AIG1: variants seen among roughly 807,000 people sequenced by gnomAD.
AIG1 encodes androgen-induced gene 1 protein.
A neutral mutation model predicts 31.4 loss-of-function variants in AIG1; 23 were observed. That is an observed-to-expected ratio of 0.73 (90% CI 0.53 to 1.04). The LOEUF is 1.04. Ranked by LOEUF, AIG1 falls within the 50% of genes least tolerant of loss-of-function variation. The pLI, the probability that AIG1 is intolerant of heterozygous loss-of-function variation, is 0.00. For synonymous variants in AIG1, 100 were observed against 110.5 expected, an observed-to-expected ratio of 0.90 and a Z score of 0.60; for missense variants, 274 against 295.0, an observed-to-expected ratio of 0.93 and a Z score of 0.52.
intron 1 of AIG1, among the ~76,000 whole-genome samples, chr6:143,093,165 G>T (rs1047586926): frequency 6.6e-6 from 1 of 152,192 alleles, no homozygotes; most frequent in African/African-American, 2.4e-5. Flanking sequence ...CTAATAGAAG[G>T]TTGTTTTGTC....
At chr6:143,118,993 G>A (rs557220643) in intron 1 of AIG1, among the ~76,000 whole-genome samples, 1 of 151,800 alleles carries the variant, frequency 6.6e-6, no homozygotes, top group Admixed American at 6.6e-5. Context: ...CCTGCTTCAG[G>A]CTCCTGAGTA....
At chr6:143,120,889 A>C (rs994319043) in intron 1 of AIG1, among the ~76,000 whole-genome samples, 29 of 152,214 alleles carry the variant, frequency 1.9e-4, no homozygotes, top group African/African-American at 6.5e-4. Flanking sequence ...TTGTGGGTTT[A>C]CTGGAATGAG....
At chr6:143,160,582 G>GCCATTGCT (rs1583368908) in intron 2 of AIG1, among the ~76,000 whole-genome samples, 2 of 152,302 alleles carry the variant, frequency 1.3e-5, no homozygotes, top group East Asian at 3.9e-4. Context: ...GGAATAGCTG[G>GCCATTGCT]CCATTGCTCC....
chr6:143,236,562 C>T (rs4896628), intron 3 of AIG1, among the ~76,000 whole-genome samples: 81,218 of 152,098 alleles, frequency 0.53, 23,105 homozygotes, highest in East Asian at 0.93. Context: ...CTGCCCCCTT[C>T]TGAGCGAGTC....
intron 2 of AIG1, among the ~76,000 whole-genome samples, chr6:143,153,053 A>T (rs966189099): frequency 5.9e-5 from 9 of 152,056 alleles, no homozygotes; most frequent in African/African-American, 2.2e-4. Flanking sequence ...AACCTCAGAG[A>T]CCCCATCTGC....
Position 143,331,770 on chromosome 6 carries a change from C to T in AIG1, c.516-1512C>T, listed in dbSNP as rs1349033464. Among the ~76,000 whole-genome samples, 1 of 151,622 alleles carries T rather than the reference C, an allele frequency of 6.6e-6. No homozygotes were observed. Among genetic ancestry groups the T allele is most frequent in the African/African-American group, 2.4e-5 (1 of 41,260 alleles). The stretch of plus-strand genomic sequence containing the variant: ...CCTGCAAGAAGAGGGGGGATCTCAC[C>T]CTCATTGATAACGCAGGTTCTCAGG... On this transcript the variant is annotated intron_variant, in intron 4 of 5. Coordinates refer to ENST00000357847, the MANE Select transcript of AIG1 (RefSeq NM_016108.4). This position sits in a 1 kb window ranked among gnomAD's most constrained non-coding sequence, Gnocchi z 4.1.
At chr6:143,290,854 G>T (rs1389274237) in intron 4 of AIG1, among the ~76,000 whole-genome samples, 1 of 152,036 alleles carries the variant, frequency 6.6e-6, no homozygotes, top group Admixed American at 6.5e-5. Flanking sequence ...CCTTTCTTGG[G>T]GCTTACAAGA....
In AIG1 at chr6:143,283,888, A is replaced by G. The variant is rs565216427; in HGVS notation, c.400-222A>G. Reference sequence around the variant, plus strand: ...AAATTCTCTGTAATGGGCATAAAATACAATAAAATTTCAAAAATTAAGATA... The same window carrying G: ...AAATTCTCTGTAATGGGCATAAAATGCAATAAAATTTCAAAAATTAAGATA... On this transcript the variant is annotated intron_variant, in intron 3 of 5. Transcript: ENST00000357847. Among the ~76,000 whole-genome samples the G allele has an allele frequency of 2.6e-5, 4 of 152,364 alleles. No homozygotes were observed. In the East Asian group the frequency reaches 7.7e-4, roughly 29 times the overall value.
chr6:143,129,968 G>T (rs1360842398), intron 1 of AIG1, among the ~76,000 whole-genome samples: 1 of 146,372 alleles, frequency 6.8e-6, no homozygotes, highest in Non-Finnish European at 1.5e-5. Flanking sequence ...GTCTCCCTTG[G>T]TCACCAGGCT....
intron 3 of AIG1, among the ~76,000 whole-genome samples, chr6:143,173,227 T>C (rs1479482277): frequency 6.6e-6 from 1 of 152,084 alleles, no homozygotes; most frequent in Non-Finnish European, 1.5e-5. Context: ...GTCTAATTTG[T>C]GTATTGTGTA....
At chr6:143,143,528 A>AAAAAATAT (rs1554249782) in intron 2 of AIG1, among the ~76,000 whole-genome samples, 2 of 27,784 alleles carry the variant, frequency 7.2e-5, no homozygotes, top group African/African-American at 1.9e-4. Flanking sequence ...AAAAAAAAAA[A>AAAAAATAT]ATATATATAT....
chr6:143,269,134 T>C (rs867983603), intron 3 of AIG1, among the ~76,000 whole-genome samples: 21 of 152,242 alleles, frequency 1.4e-4, no homozygotes, highest in Non-Finnish European at 2.1e-4. Context: ...GTGTTGGTCC[T>C]AGAACACTTC....
chr6:143,187,574 A>G (rs1789380110), intron 3 of AIG1: 14 of 1,536,118 alleles, frequency 9.1e-6, no homozygotes, highest in Non-Finnish European at 1.2e-5. Flanking sequence ...ATGAAAAGCA[A>G]CCTTCTGCAG....
chr6:143,138,754 G>A (rs1427376546), intron 2 of AIG1, among the ~76,000 whole-genome samples: 2 of 151,882 alleles, frequency 1.3e-5, no homozygotes, highest in Non-Finnish European at 2.9e-5. Context: ...TGAGCCGGGC[G>A]TGGTGGTGGG....
intron 3 of AIG1, among the ~76,000 whole-genome samples, chr6:143,274,393 G>A (rs569943749): frequency 5.3e-5 from 8 of 152,270 alleles, no homozygotes; most frequent in Non-Finnish European, 1.0e-4. Context: ...ATACCTTGAG[G>A]CATTATCTTG....
chr6:143,320,388 C>T (rs1776111815), intron 4 of AIG1, among the ~76,000 whole-genome samples: 1 of 152,024 alleles, frequency 6.6e-6, no homozygotes, highest in African/African-American at 2.4e-5. Flanking sequence ...ATCAGGGTCT[C>T]AAAGAGGCAT....
chr6:143,253,305 A>G (rs1014087812), intron 3 of AIG1, among the ~76,000 whole-genome samples: 1 of 152,224 alleles, frequency 6.6e-6, no homozygotes. Context: ...GATTTTCTTT[A>G]TACAAACAAT....
intron 3 of AIG1, among the ~76,000 whole-genome samples, chr6:143,234,394 G>GT (rs1272237241): frequency 9.9e-5 from 15 of 152,180 alleles, no homozygotes; most frequent in African/African-American, 3.6e-4. Context: ...ATAGATTAGA[G>GT]TGATGAGTGA....
intron 3 of AIG1, among the ~76,000 whole-genome samples, chr6:143,197,391 A>T (rs1183769855): frequency 6.6e-6 from 1 of 152,152 alleles, no homozygotes; most frequent in Non-Finnish European, 1.5e-5. Flanking sequence ...TTTGGGAGAC[A>T]CTGTTAGTAG....
Sources: allele counts gnomAD v4.1 joint callset (sites outside exome capture counted in the v4.1 genomes callset), GRCh38; gene constraint gnomAD v4.1.1; non-coding constraint Gnocchi (gnomAD v3.1); transcripts MANE v1.5; gene names NCBI Gene and HGNC (gene_info 2026-07-23, HGNC 2026-07-21).